The following CREB3L2 variants were observed in gnomAD, a reference collection of about 807,000 sequenced individuals.
CREB3L2 encodes cAMP responsive element binding protein 3 like 2.
Under a neutral mutation model 57.2 loss-of-function variants are expected in CREB3L2, and 23 were observed. The observed-to-expected ratio is 0.40, with a 90% CI of 0.29 to 0.57. The LOEUF (loss-of-function observed/expected upper bound fraction) is 0.57. CREB3L2 is among the 20% of genes least tolerant of loss of function. CREB3L2 has a pLI of 0.42. For missense variants in CREB3L2, 628 were observed against 634.7 expected (o/e 0.99, Z 0.11); for synonymous variants, 268 against 265.1 (o/e 1.01, Z -0.11).
chr7:137,919,361 G>A (rs769157696), intron 2 of CREB3L2, among the ~76,000 whole-genome samples: 17 of 152,056 alleles, frequency 1.1e-4, no homozygotes, highest in South Asian at 2.1e-4. Flanking sequence ...TAGTAGAGAC[G>A]GGGTTTCACC....
chr7:137,959,990 A>C lies in CREB3L2; in HGVS notation c.103-31624T>G, dbSNP rs150498185. Reference sequence around the variant, plus strand: ...TAGTTTTTAGAATTCTCATGGCTTCATGTCTCCATTGTACTCCTCTAGCAA... The same window carrying C: ...TAGTTTTTAGAATTCTCATGGCTTCCTGTCTCCATTGTACTCCTCTAGCAA... On this transcript the variant is annotated intron_variant, in intron 1 of 11. Transcript: ENST00000330387. Among the ~76,000 whole-genome samples, 1,220 of 152,226 alleles carry C rather than the reference A, an allele frequency of 8.0e-3. 26 individuals are homozygous for C. The highest frequency in any genetic ancestry group is 0.028 in the African/African-American group (1,151 of 41,508).
chr7:137,919,923 T>G (rs1800233615), intron 2 of CREB3L2, among the ~76,000 whole-genome samples: 1 of 152,232 alleles, frequency 6.6e-6, no homozygotes, highest in Non-Finnish European at 1.5e-5. Context: ...TTCTTTAAAT[T>G]TTATGGTACT....
At chr7:138,000,256 T>C (rs2117340283) in intron 1 of CREB3L2, among the ~76,000 whole-genome samples, 1 of 152,356 alleles carries the variant, frequency 6.6e-6, no homozygotes, top group South Asian at 2.1e-4. Flanking sequence ...GGAGCACCCA[T>C]TCATCAAAAG....
chr7:137,991,631 GCA>G (rs1192493291), intron 1 of CREB3L2, among the ~76,000 whole-genome samples: 2 of 152,126 alleles, frequency 1.3e-5, no homozygotes, highest in Admixed American at 6.5e-5. Context: ...GCACGGCCGA[GCA>G]CAGTGGCTCA....
intron 1 of CREB3L2, chr7:137,953,484 C>T (rs888071497): frequency 4.0e-5 from 52 of 1,289,058 alleles, no homozygotes; most frequent in Admixed American, 1.4e-4. Context: ...CTTTAAAAAG[C>T]GTCAACCATC....
At chr7:137,933,804 T>C (rs531238408) in intron 1 of CREB3L2, 2 of 152,352 alleles carry the variant, frequency 1.3e-5, no homozygotes, top group Admixed American at 1.3e-4. Context: ...TCCAGCTGGG[T>C]GTCCTTGGCA....
chr7:137,983,662 C>A (rs569484410), intron 1 of CREB3L2, among the ~76,000 whole-genome samples: 1 of 152,328 alleles, frequency 6.6e-6, no homozygotes, highest in East Asian at 1.9e-4. Flanking sequence ...TCCTCCAAGC[C>A]ACCTTCCCGG....
In CREB3L2 at chr7:137,879,471, C is replaced by A. The variant is rs1330274857; in HGVS notation, c.*1005G>T. The stretch of plus-strand genomic sequence containing the variant: ...AAGCTTGTGGCCAGGGAGCCCGGGG[C>A]CTGAGTGAGGCATTGTGTCATCTCT... On this transcript the variant is annotated 3_prime_UTR_variant, in exon 12 of 12. Coordinates refer to ENST00000330387, the MANE Select transcript of CREB3L2 (RefSeq NM_194071.4). 5 of 374,304 alleles carry A rather than the reference C, an allele frequency of 1.3e-5. No homozygotes were observed. The Admixed American group carries it at 2.1e-4, about 16-fold the overall frequency. The allele number at this position is 374,304 out of a possible 1,614,324, so 23.2% of individuals were successfully genotyped here.
At chr7:137,957,983 G>C (rs1434510501) in intron 1 of CREB3L2, 1 of 297,840 alleles carries the variant, frequency 3.4e-6, no homozygotes, top group African/African-American at 2.2e-5. Flanking sequence ...TCCTAGGCCT[G>C]GCCCACTGAA....
intron 1 of CREB3L2, among the ~76,000 whole-genome samples, chr7:137,934,402 C>G (rs1237489929): frequency 6.6e-6 from 1 of 152,170 alleles, no homozygotes; most frequent in Non-Finnish European, 1.5e-5. Flanking sequence ...GTGTGATGGA[C>G]TAAGTACTTG....
chr7:137,972,736 T>TATATAG (rs1387867213), intron 1 of CREB3L2, among the ~76,000 whole-genome samples: 1 of 22,370 alleles, frequency 4.5e-5, no homozygotes, highest in Non-Finnish European at 8.3e-5. Context: ...TATATATATA[T>TATATAG]AGAGAGAGAG....
rs60325918 is a variant in CREB3L2 at position 137,908,393 on chromosome 7, A to G, written c.627T>C (p.Ser209=). 38,504 of 1,262,676 alleles carry G rather than the reference A, an allele frequency of 0.03. 1,924 individuals carry two copies. Among genetic ancestry groups the G allele is most frequent in the African/African-American group, 0.22 (14,518 of 64,530 alleles). 78.2% of individuals were successfully genotyped at this position (1,262,676 alleles called of 1,614,324 possible). ...HLHLPPTPPS[S]HGSDSEGSLS... ...GGCTGCCCTCTGAGTCACTGCCGTG[A>G]CTGCTCGGAGGGGTGGGCGGCAAAT... The change falls in exon 5 of 12, where the codon AGT becomes AGC. Residue 209 remains serine, a synonymous_variant. Transcript: ENST00000330387.
chr7:137,953,420 A>C, intron 1 of CREB3L2: 8 of 1,236,038 alleles, frequency 6.5e-6, no homozygotes, highest in African/African-American at 1.5e-5. Flanking sequence ...GGCCTGAGGA[A>C]TAGATGGATA....
intron 1 of CREB3L2, among the ~76,000 whole-genome samples, chr7:137,967,055 C>T (rs1222819612): frequency 2.6e-5 from 4 of 152,152 alleles, no homozygotes; most frequent in Non-Finnish European, 4.4e-5. Context: ...TCTCTCTCCC[C>T]TTCTTCTCTC....
chr7:137,965,048 G>GT (rs776785229), intron 1 of CREB3L2, among the ~76,000 whole-genome samples: 22 of 152,094 alleles, frequency 1.4e-4, no homozygotes, highest in Non-Finnish European at 2.2e-4. Context: ...TATCAGCAGC[G>GT]TAAGAACAGA....
Position 137,890,417 on chromosome 7 carries a change from T to A in CREB3L2, c.1044-4915A>T, listed in dbSNP as rs544440126. ...ACACCAAAAAAGCTGATGAGATGGCTTTAGAATTGCTAAGCTGATGCATAT... is the reference window on the plus strand; with the variant it reads ...ACACCAAAAAAGCTGATGAGATGGCATTAGAATTGCTAAGCTGATGCATAT... On this transcript the variant is annotated intron_variant, in intron 8 of 11. Coordinates refer to ENST00000330387, the MANE Select transcript of CREB3L2 (RefSeq NM_194071.4). Among the ~76,000 whole-genome samples, 10 of 152,294 alleles carry A rather than the reference T, an allele frequency of 6.6e-5. No homozygotes were observed. In the South Asian group the frequency reaches 1.9e-3, roughly 28 times the overall value.
At chr7:137,913,779 A>G (rs1179062143) in intron 3 of CREB3L2, among the ~76,000 whole-genome samples, 2 of 152,148 alleles carry the variant, frequency 1.3e-5, no homozygotes, top group Non-Finnish European at 2.9e-5. Flanking sequence ...GGGGCTTTAA[A>G]AAGCAACTTA....
chr7:137,904,423 T>C (rs1463315926), intron 6 of CREB3L2, among the ~76,000 whole-genome samples: 1 of 152,116 alleles, frequency 6.6e-6, no homozygotes, highest in Non-Finnish European at 1.5e-5. Flanking sequence ...CCCAGCACTT[T>C]GGGAGGCCAA....
At chr7:137,924,022 T>A (rs2117233462) in intron 2 of CREB3L2, among the ~76,000 whole-genome samples, 1 of 152,260 alleles carries the variant, frequency 6.6e-6, no homozygotes, top group East Asian at 1.9e-4. Flanking sequence ...CACCTTTACC[T>A]CACAGACTAC....
Sources: gnomAD v4.1 joint callset for allele counts (sites outside exome capture counted in the v4.1 genomes callset) on GRCh38, gnomAD v4.1.1 for gene constraint, MANE v1.5 for transcripts, NCBI Gene and HGNC (gene_info 2026-07-23, HGNC 2026-07-21) for gene names.